Variants in ACTL6B observed in about 807,000 individuals in gnomAD.
The protein encoded by ACTL6B is actin like 6B.
In ACTL6B, 48 loss-of-function variants were observed where a neutral mutation model predicts 63.3. The ratio of observed to expected loss-of-function variants is 0.76; its 90% CI spans 0.60 to 0.96. ACTL6B has a LOEUF of 0.96. Among genes scored for constraint, ACTL6B ranks in the 50% least tolerant of loss-of-function variants. The pLI is 0.00. For missense variants in ACTL6B, 350 were observed against 572.2 expected, an observed-to-expected ratio of 0.61 and a Z score of 3.96; for synonymous variants, 230 against 223.8, an observed-to-expected ratio of 1.03 and a Z score of -0.25.
At chr7:100,643,393 C>T (rs1295928614) in intron 13 of ACTL6B, 67 bp from the exon 14 acceptor site, 3 of 1,554,464 alleles carry the variant, frequency 1.9e-6, no homozygotes, top group Non-Finnish European at 8.8e-7. Flanking sequence ...GCAGGTGCAG[C>T]CCCTGGGAAT....
rs1803874584 is a variant in ACTL6B, at chr7:100,648,810, G to T, written c.481C>A (p.Arg161=). ...TAVLTAFANG[R]STGLVLDSGA... is the part of the protein sequence containing the mutation. ...CTGTCCAGCACGAGGCCAGTGGACCGCCCGTTTGCAAAGCTGGCATCGGAT... is the reference window on the plus strand; with the variant it reads ...CTGTCCAGCACGAGGCCAGTGGACCTCCCGTTTGCAAAGCTGGCATCGGAT... Residue 161 remains arginine, a synonymous_variant, in exon 6 of 14, where the codon CGG becomes AGG. Coordinates refer to ENST00000160382, the MANE Select transcript of ACTL6B (RefSeq NM_016188.5). The surrounding 1 kb of genome is among the most constrained non-coding windows in gnomAD (Gnocchi z 4.4). 4 of 1,613,552 alleles carry T rather than the reference G, an allele frequency of 2.5e-6. No individual in the cohort carries two copies. The South Asian group carries it at 3.3e-5, about 13-fold the overall frequency.
chr7:100,652,736 C>T (rs568158063), intron 4 of ACTL6B, among the ~76,000 whole-genome samples: 1 of 152,068 alleles, frequency 6.6e-6, no homozygotes, highest in African/African-American at 2.4e-5. Context: ...GGGATGGTGG[C>T]TTACGCCTGT....
rs1803858079 is a variant in ACTL6B, at chr7:100,648,012, T to C, written c.670-479A>G. On this transcript the variant is annotated intron_variant, in intron 7 of 13. Transcript: ENST00000160382. The surrounding 1 kb of genome is among the most constrained non-coding windows in gnomAD (Gnocchi z 4.4). ...TCTCACTCGGTCGCCCAGGCTGGAG[T>C]GCAGTGGCGCGATCTCGGCTCACTG... Among the ~76,000 whole-genome samples the C allele has an allele frequency of 6.8e-6, 1 of 147,398 alleles. No individual in the cohort carries two copies. Among genetic ancestry groups the C allele is most frequent in the Non-Finnish European group, 1.5e-5 (1 of 67,360 alleles).
In ACTL6B at chr7:100,643,210, C is replaced by G. The variant is rs767654454; in HGVS notation, c.*36G>C. 18 of 1,607,832 alleles carry G rather than the reference C, an allele frequency of 1.1e-5. No individual in the cohort carries two copies. Among genetic ancestry groups the G allele is most frequent in the Non-Finnish European group, 1.4e-5 (17 of 1,174,772 alleles). On this transcript the variant is annotated 3_prime_UTR_variant, in exon 14 of 14. Coordinates refer to ENST00000160382, the MANE Select transcript of ACTL6B (RefSeq NM_016188.5). ...GGCATGGGGGTTAAGGGACTTCCAT[C>G]TGAGCTTGGGAGCAGGTGTGTGGGG...
At position 100,648,954 on chromosome 7, in the gene ACTL6B, A is replaced by G; in HGVS notation, c.468-131T>C. On this transcript the variant is annotated intron_variant, in intron 5 of 13. Transcript: ENST00000160382. This position sits in a 1 kb window ranked among gnomAD's most constrained non-coding sequence, Gnocchi z 4.4. ...AGTCTGCAAATCTCTCCCCCTGGTG[A>G]TGACTCATCTCCTGGAGAAAGGCTC... 1 of 754,996 alleles carries G rather than the reference A, an allele frequency of 1.3e-6. No homozygotes were observed. The highest frequency in any genetic ancestry group is 2.0e-6 in the Non-Finnish European group (1 of 489,588). 46.8% of individuals were successfully genotyped at this position (754,996 alleles called of 1,614,324 possible).
intron 5 of ACTL6B, 62 bp downstream of exon 5, chr7:100,649,975 GA>G: frequency 6.8e-7 from 1 of 1,477,516 alleles, no homozygotes; most frequent in Non-Finnish European, 9.4e-7. Flanking sequence ...CATCACAGCT[GA>G]GCTCAGCACA....
chr7:100,655,436 G>A lies in ACTL6B; in HGVS notation c.253C>T (p.Leu85Phe), dbSNP rs1804019957. 6.2e-7 allele frequency: 1 copy of A among 1,613,972 alleles called. No individual in the cohort carries two copies. Among genetic ancestry groups the A allele is most frequent in the South Asian group, 1.1e-5 (1 of 91,070 alleles). The change falls in exon 3 of 14, where the codon CTC becomes TTC. Residue 85 changes from leucine (L) to phenylalanine (F), a missense_variant. This residue lies in a region of ACTL6B where 250 missense variants were observed against 364.7 expected (regional missense o/e 0.69). Coordinates refer to ENST00000160382, the MANE Select transcript of ACTL6B (RefSeq NM_016188.5). This position sits in a 1 kb window ranked among gnomAD's most constrained non-coding sequence, Gnocchi z 4.4. ...GGCCCCTTACTCATGCCATTCTTGA[G>A]GGGCGACATGACCTCCGCTCCATCC... ...PRDGAEVMSP[L>F]KNGMIEDWEC...
Position 100,647,344 on chromosome 7 carries a change from C to CGCTCCCCCTCCCT in ACTL6B, c.760-73_760-61dup, listed in dbSNP as rs914744923. 4.4e-6 allele frequency: 7 copies of CGCTCCCCCTCCCT among 1,603,938 alleles called. No individual in the cohort carries two copies. In the African/African-American group the frequency reaches 5.4e-5, roughly 12 times the overall value. On this transcript the variant is annotated intron_variant, in intron 8 of 13. Transcript: ENST00000160382. The surrounding 1 kb of genome is among the most constrained non-coding windows in gnomAD (Gnocchi z 4.4). ...TCCCCGTGAGCAGCACCCCCTGCCC[C>CGCTCCCCCTCCCT]GCTCCCCCTCCCTGCTCCCCCTCCC...
intron 4 of ACTL6B, among the ~76,000 whole-genome samples, chr7:100,654,065 C>G (rs1360262214): frequency 6.6e-6 from 1 of 151,886 alleles, no homozygotes; most frequent in East Asian, 1.9e-4. Context: ...CTCCGCCTCC[C>G]GGGTTCACGC....
In ACTL6B at chr7:100,655,904, G is replaced by C. The variant is rs1804031534; in HGVS notation, c.26-25C>G. Reference sequence around the variant, plus strand: ...TCTGTGCGGGGAGACAGGCCTGTAAGGGGACCTCCCCCGAACTCTCTCCCG... The same window carrying C: ...TCTGTGCGGGGAGACAGGCCTGTAACGGGACCTCCCCCGAACTCTCTCCCG... On this transcript the variant is annotated intron_variant, in intron 1 of 13. Transcript: ENST00000160382. This position sits in a 1 kb window ranked among gnomAD's most constrained non-coding sequence, Gnocchi z 4.4. 6.4e-7 allele frequency: 1 copy of C among 1,553,060 alleles called. No homozygotes were observed. The highest frequency in any genetic ancestry group is 1.4e-5 in the African/African-American group (1 of 73,004).
At chr7:100,653,400 A>C (rs1226950801) in intron 4 of ACTL6B, among the ~76,000 whole-genome samples, 1 of 151,932 alleles carries the variant, frequency 6.6e-6, no homozygotes, top group East Asian at 1.9e-4. Context: ...CTGTAATCCC[A>C]GCCTTTTGGG....
chr7:100,643,338 G>T lies in ACTL6B; in HGVS notation c.1201-12C>A. On this transcript the variant is annotated splice_polypyrimidine_tract_variant and intron_variant, in intron 13 of 13. Transcript: ENST00000160382. ...TGCTGGAAAGTGCCCTGGGTGGAGG[G>T]GGTAATATCAGGGTCAGGGTGGCCT... is the stretch of plus-strand genomic sequence containing the variant. The T allele has an allele frequency of 3.7e-6, 6 of 1,613,234 alleles. No homozygotes were observed. Among genetic ancestry groups the T allele is most frequent in the Non-Finnish European group, 5.1e-6 (6 of 1,179,854 alleles).
At position 100,650,114 on chromosome 7, in the gene ACTL6B, C is replaced by T; in HGVS notation, c.391G>A (p.Glu131Lys). 6.2e-7 allele frequency: 1 copy of T among 1,613,878 alleles called. No homozygotes were observed. The highest frequency in any genetic ancestry group is 1.1e-5 in the South Asian group (1 of 91,080). ...TCGAACATCAGCTCTGTCAGCTTCT[C>T]CCGCTTGGCCCGTGTGTTCCACTGT... ...EAPWNTRAKR[E>K]KLTELMFEQY... is the part of the protein sequence containing the mutation. Residue 131 changes from glutamate to lysine, a missense_variant, in exon 5 of 14, where the codon GAG becomes AAG. This residue lies in a region of ACTL6B where 250 missense variants were observed against 364.7 expected (regional missense o/e 0.69). Coordinates refer to ENST00000160382, the MANE Select transcript of ACTL6B (RefSeq NM_016188.5).
In ACTL6B at chr7:100,646,661, A is replaced by G. The variant is rs1375323646; in HGVS notation, c.1018-15T>C. The G allele has an allele frequency of 6.2e-7, 1 of 1,613,842 alleles. No individual in the cohort carries two copies. Among genetic ancestry groups the G allele is most frequent in the Non-Finnish European group, 8.5e-7 (1 of 1,179,902 alleles). On this transcript the variant is annotated splice_polypyrimidine_tract_variant and intron_variant, in intron 11 of 13. Transcript: ENST00000160382. This position sits in a 1 kb window ranked among gnomAD's most constrained non-coding sequence, Gnocchi z 6.1. ...CCGTACAGGCCCTGAGAGCAGGGAG[A>G]AGGAGTGAGCTGCGGGGGCAGCCCC...
At position 100,656,428 on chromosome 7, in the gene ACTL6B, A is replaced by G. The variant is rs896847954; in HGVS notation, c.-74T>C. On this transcript the variant is annotated 5_prime_UTR_variant, in exon 1 of 14. Transcript: ENST00000160382. ...CCGAGGCGGCCGGACAGCTCCCGGG[A>G]TCCCTGGCGGGGCGGGACTCTCAGC... 6.4e-6 allele frequency: 8 copies of G among 1,258,322 alleles called. No homozygotes were observed. The African/African-American group carries it at 1.1e-4, about 17-fold the overall frequency. 77.9% of individuals were successfully genotyped at this position (1,258,322 alleles called of 1,614,324 possible). A position where few individuals can be genotyped will look rare whatever the true frequency, so the allele number is the denominator to read the frequency against.
intron 1 of ACTL6B, 107 bp downstream of exon 1, chr7:100,656,223 C>A: frequency 7.9e-7 from 1 of 1,270,974 alleles, no homozygotes; most frequent in South Asian, 2.0e-5. Context: ...TGAGACTCGA[C>A]CCGCTCGTGC....
intron 5 of ACTL6B, 56 bp downstream of exon 5, chr7:100,649,967 TCACAGCTGAGCTCAG>T: frequency 3.6e-6 from 5 of 1,392,414 alleles, no homozygotes; most frequent in Non-Finnish European, 5.1e-6. Context: ...CTCCAGCTCA[TCACAGCTGAGCTCAG>T]CACAGGCCCC....
In ACTL6B at chr7:100,648,540, TC is replaced by T; in HGVS notation, c.669+15del. Reference sequence around the variant, plus strand: ...CCAGGACTCTAGTGGCAGCTCCATGTCCCCAGAGGCCCCACCTTGGCTGCGA... The same window carrying T: ...CCAGGACTCTAGTGGCAGCTCCATGTCCCAGAGGCCCCACCTTGGCTGCGA... On this transcript the variant is annotated intron_variant, in intron 7 of 13. Coordinates refer to ENST00000160382, the MANE Select transcript of ACTL6B (RefSeq NM_016188.5). The surrounding 1 kb of genome is among the most constrained non-coding windows in gnomAD (Gnocchi z 4.4). 1 of 1,573,732 alleles carries T rather than the reference TC, an allele frequency of 6.4e-7. No homozygotes were observed. The highest frequency in any genetic ancestry group is 8.6e-7 in the Non-Finnish European group (1 of 1,159,220).
In ACTL6B at chr7:100,655,283, C is replaced by T; in HGVS notation, c.268+138G>A. 1 of 1,269,342 alleles carries T rather than the reference C, an allele frequency of 7.9e-7. No homozygotes were observed. The highest frequency in any genetic ancestry group is 1.1e-6 in the Non-Finnish European group (1 of 908,764). The allele number at this position is 1,269,342 out of a possible 1,614,324, so 78.6% of individuals were successfully genotyped here. A position where few individuals can be genotyped will look rare whatever the true frequency, so the allele number is the denominator to read the frequency against. ...CCTGGTGGGCCCCTGGGAAGGGAAC[C>T]CAGCGAGAAGAACCCTGGCAGCCAG... On this transcript the variant is annotated intron_variant, in intron 3 of 13. Coordinates refer to ENST00000160382, the MANE Select transcript of ACTL6B (RefSeq NM_016188.5). The surrounding 1 kb of genome is among the most constrained non-coding windows in gnomAD (Gnocchi z 4.4).
Sources: gnomAD v4.1 joint callset for allele counts (sites outside exome capture counted in the v4.1 genomes callset) on GRCh38, gnomAD v4.1.1 for gene constraint, gnomAD v4.1.1 regional missense constraint, Gnocchi (gnomAD v3.1) non-coding constraint, MANE v1.5 for transcripts, NCBI Gene and HGNC (gene_info 2026-07-23, HGNC 2026-07-21) for gene names.